The following HMGXB4 variants were observed in gnomAD, a reference collection of about 807,000 sequenced individuals.
The protein encoded by HMGXB4 is HMG domain-containing protein 4.
Under a neutral mutation model 63.9 loss-of-function variants are expected in HMGXB4, and 27 were observed. The observed-to-expected ratio is 0.42, with a 90% CI of 0.31 to 0.58. HMGXB4 has a LOEUF of 0.58. Ranked by LOEUF, HMGXB4 falls within the 20% of genes least tolerant of loss-of-function variation. The probability of loss-of-function intolerance (pLI) is 0.13; values close to 1 mark genes in which losing one functional copy is unlikely to be tolerated. For synonymous variants in HMGXB4, 264 were observed against 265.3 expected, an observed-to-expected ratio of 0.99 and a Z score of 0.05; for missense variants, 624 against 700.7, an observed-to-expected ratio of 0.89 and a Z score of 1.24.
the HMGXB4 span, among the ~76,000 whole-genome samples, chr22:35,243,335 A>C: frequency 1.3e-5 from 2 of 151,696 alleles, no homozygotes; most frequent in Non-Finnish European, 2.9e-5. Flanking sequence ...ACGCCATTGC[A>C]CTCCAGCCTG....
chr22:35,264,566 G>A (rs1404634528), intron 4 of HMGXB4, 82 bp from the exon 5 acceptor site: 1 of 909,214 alleles, frequency 1.1e-6, no homozygotes, highest in Non-Finnish European at 1.7e-6. Flanking sequence ...TCTCATGTTA[G>A]CTAGGTGCTT....
chr22:35,242,363 T>C, the HMGXB4 span, among the ~76,000 whole-genome samples: 54 of 152,354 alleles, frequency 3.5e-4, no homozygotes, highest in African/African-American at 1.3e-3. Flanking sequence ...AGTAAAAAGA[T>C]CTATTTGTGG....
chr22:35,268,008 C>T (rs923093678), intron 5 of HMGXB4, among the ~76,000 whole-genome samples: 1 of 152,144 alleles, frequency 6.6e-6, no homozygotes, highest in Non-Finnish European at 1.5e-5. Flanking sequence ...CGCTTGAGCC[C>T]AGGAGGCAGG....
chr22:35,269,595 T>A (rs1923477231), intron 5 of HMGXB4, among the ~76,000 whole-genome samples: 1 of 152,212 alleles, frequency 6.6e-6, no homozygotes, highest in Admixed American at 6.5e-5. Flanking sequence ...TTGTAGAGAA[T>A]CTTAAATGCC....
chr22:35,261,363 G>C (rs528996794), intron 1 of HMGXB4, among the ~76,000 whole-genome samples: 59 of 151,208 alleles, frequency 3.9e-4, no homozygotes, highest in Non-Finnish European at 7.7e-4. Flanking sequence ...TTGAACCCGG[G>C]AGGCGGAGGT....
At chr22:35,243,551 T>A in the HMGXB4 span, among the ~76,000 whole-genome samples, 1 of 151,928 alleles carries the variant, frequency 6.6e-6, no homozygotes, top group Non-Finnish European at 1.5e-5. Flanking sequence ...TTGTTGTTGT[T>A]ATTGAGACAG....
At chr22:35,265,696 C>T in intron 5 of HMGXB4, 93 bp downstream of exon 5, 5 of 1,430,876 alleles carry the variant, frequency 3.5e-6, no homozygotes, top group Non-Finnish European at 4.6e-6. Context: ...TTGAGGTAAA[C>T]CACTGGGAAT....
At chr22:35,262,688 G>C in intron 2 of HMGXB4, 1 of 537,764 alleles carries the variant, frequency 1.9e-6, no homozygotes. Context: ...GTCCTTGCCA[G>C]CTCCAGTGTG....
rs181617737 is a variant in HMGXB4 at position 35,292,318 on chromosome 22, C to T, written c.1639-674C>T. Among the ~76,000 whole-genome samples the T allele has an allele frequency of 1.2e-4, 18 of 152,268 alleles. No individual in the cohort carries two copies. In the East Asian group the frequency reaches 2.9e-3, roughly 24 times the overall value. On this transcript the variant is annotated intron_variant, in intron 9 of 10. Coordinates refer to ENST00000216106, the MANE Select transcript of HMGXB4 (RefSeq NM_001003681.3). Reference sequence around the variant, plus strand: ...AAACAGTGAGTAGTGGAGCCAGGATCTGGACCCGGGCAGTCTTGAATCCGG... The same window carrying T: ...AAACAGTGAGTAGTGGAGCCAGGATTTGGACCCGGGCAGTCTTGAATCCGG...
At chr22:35,287,496 AT>A in intron 8 of HMGXB4, 44 bp downstream of exon 8, 4 of 1,410,508 alleles carry the variant, frequency 2.8e-6, no homozygotes, top group Non-Finnish European at 4.0e-6. Flanking sequence ...AAGCATGTGA[AT>A]TTTGCTTCCT....
chr22:35,256,420 C>A (rs893050181), upstream of HMGXB4, among the ~76,000 whole-genome samples: 6 of 152,146 alleles, frequency 3.9e-5, no homozygotes, highest in South Asian at 1.2e-3. Context: ...TTGAGCGCTC[C>A]TCCAGTGGGA....
intron 5 of HMGXB4, among the ~76,000 whole-genome samples, chr22:35,268,858 A>G (rs1162435939): frequency 2.0e-5 from 3 of 152,202 alleles, no homozygotes; most frequent in South Asian, 2.1e-4. Flanking sequence ...CATTTTTTAC[A>G]GTGACCTTCC....
intron 1 of HMGXB4, among the ~76,000 whole-genome samples, chr22:35,260,420 C>T (rs1220799007): frequency 1.3e-5 from 2 of 152,160 alleles, no homozygotes; most frequent in Non-Finnish European, 2.9e-5. Context: ...TTCCCTTCTA[C>T]CTGCACCCCT....
chr22:35,263,269 AT>A (rs202011138), intron 3 of HMGXB4, 43 bp downstream of exon 3: 1,343 of 1,341,410 alleles, frequency 1.0e-3, no homozygotes, highest in East Asian at 1.1e-3. Context: ...TAAACTACTC[AT>A]TTTTTTTTGG....
chr22:35,275,591 A>G (rs1363803845), intron 5 of HMGXB4, among the ~76,000 whole-genome samples: 2 of 152,128 alleles, frequency 1.3e-5, no homozygotes, highest in Non-Finnish European at 2.9e-5. Context: ...AACAAGTTGC[A>G]TTTTGGGCCA....
chr22:35,265,721 G>A (rs1923196858), intron 5 of HMGXB4, 118 bp downstream of exon 5: 1 of 1,326,674 alleles, frequency 7.5e-7, no homozygotes, highest in Non-Finnish European at 1.0e-6. Flanking sequence ...CATGTTTGGG[G>A]GATATGTTGG....
intron 5 of HMGXB4, among the ~76,000 whole-genome samples, chr22:35,273,805 G>A (rs1021218775): frequency 6.6e-6 from 1 of 152,170 alleles, no homozygotes; most frequent in Non-Finnish European, 1.5e-5. Flanking sequence ...CAGCTCATTG[G>A]AGAGCTTCAT....
upstream of HMGXB4, among the ~76,000 whole-genome samples, chr22:35,256,145 T>C (rs1336842306): frequency 3.3e-5 from 5 of 152,194 alleles, no homozygotes; most frequent in Non-Finnish European, 7.3e-5. Flanking sequence ...CAATCTGGCT[T>C]TTCATCTTTA....
At chr22:35,253,526 C>T (rs1188010241), upstream of HMGXB4, among the ~76,000 whole-genome samples, 1 of 152,204 alleles carries the variant, frequency 6.6e-6, no homozygotes, top group Non-Finnish European at 1.5e-5. Flanking sequence ...TTTGTGGTAT[C>T]CCAGGAACTA....
Sources: gnomAD v4.1 joint callset for allele counts (sites outside exome capture counted in the v4.1 genomes callset) on GRCh38, gnomAD v4.1.1 for gene constraint, MANE v1.5 for transcripts, NCBI Gene and HGNC (gene_info 2026-07-23, HGNC 2026-07-21) for gene names.